Variants in PPM1L observed in about 807,000 individuals in gnomAD.
The protein encoded by PPM1L is protein phosphatase, Mg2+/Mn2+ dependent 1L.
In PPM1L, 13 loss-of-function variants were observed where a neutral mutation model predicts 31.4. The ratio of observed to expected loss-of-function variants is 0.41; its 90% CI spans 0.27 to 0.66. PPM1L has a LOEUF of 0.66. Among genes scored for constraint, PPM1L ranks in the 30% least tolerant of loss-of-function variants. The pLI, the probability that PPM1L is intolerant of heterozygous loss-of-function variation, is 0.29. For synonymous variants in PPM1L, 184 were observed against 175.4 expected (o/e 1.05, Z -0.39); for missense variants, 326 against 453.7 (o/e 0.72, Z 2.56).
intron 1 of PPM1L, among the ~76,000 whole-genome samples, chr3:160,795,714 C>T (rs142061345): frequency 3.3e-5 from 5 of 152,312 alleles, no homozygotes; most frequent in African/African-American, 7.2e-5. Context: ...AAAAGTAATA[C>T]AGATCATATT....
intron 1 of PPM1L, among the ~76,000 whole-genome samples, chr3:160,758,480 T>C (rs968389349): frequency 3.9e-5 from 6 of 152,234 alleles, no homozygotes; most frequent in African/African-American, 1.4e-4. Context: ...AAGCACAGTT[T>C]TAATTTTATT....
At chr3:160,759,520 A>G (rs1476836062) in intron 1 of PPM1L, among the ~76,000 whole-genome samples, 3 of 152,126 alleles carry the variant, frequency 2.0e-5, no homozygotes, top group Non-Finnish European at 4.4e-5. Flanking sequence ...TGATCTCTAT[A>G]TGAAACCACT....
At chr3:160,898,267 T>C (rs947502719) in intron 1 of PPM1L, among the ~76,000 whole-genome samples, 1 of 152,112 alleles carries the variant, frequency 6.6e-6, no homozygotes, top group Non-Finnish European at 1.5e-5. Context: ...TCAAAGATAA[T>C]TGTGAAGTAA....
chr3:160,881,919 C>T (rs934760093), intron 1 of PPM1L, among the ~76,000 whole-genome samples: 3 of 152,106 alleles, frequency 2.0e-5, no homozygotes, highest in Admixed American at 6.6e-5. Context: ...GGCGTGGTAA[C>T]AGGCGTCTGT....
chr3:160,761,138 A>G (rs1019261133), intron 1 of PPM1L, among the ~76,000 whole-genome samples: 1 of 152,200 alleles, frequency 6.6e-6, no homozygotes, highest in African/African-American at 2.4e-5. Flanking sequence ...CCCAGAAAAA[A>G]GGACATGCAT....
intron 1 of PPM1L, among the ~76,000 whole-genome samples, chr3:160,837,628 C>T (rs879250662): frequency 2.0e-5 from 3 of 152,216 alleles, no homozygotes; most frequent in East Asian, 1.9e-4. Context: ...TTTGTGTCTG[C>T]GGGAGGAATG....
chr3:160,899,469 A>G (rs1207226122), intron 1 of PPM1L, among the ~76,000 whole-genome samples: 2 of 152,242 alleles, frequency 1.3e-5, no homozygotes, highest in East Asian at 1.9e-4. Context: ...GGTTTTGCCA[A>G]TGAATTGGAT....
In PPM1L at chr3:161,076,508, GTGTT is replaced by G. The variant is rs1296313940; in HGVS notation, c.*7356_*7359del. ...ACTTTTGCTTCTATTATAGAAAGCA[GTGTT>G]TGTTCTTTTTAATTTATTACATGTT... On this transcript the variant is annotated 3_prime_UTR_variant, in exon 4 of 4. Transcript: ENST00000498165. The G allele has an allele frequency of 6.6e-6, 1 of 152,204 alleles. No homozygotes were observed. The allele number at this position is 152,204 out of a possible 1,614,324, so 9.4% of individuals were successfully genotyped here.
intron 3 of PPM1L, among the ~76,000 whole-genome samples, chr3:161,067,673 T>C (rs539414827): frequency 6.6e-6 from 1 of 152,388 alleles, no homozygotes; most frequent in South Asian, 2.1e-4. Context: ...CAGAGGCTTA[T>C]GTGCCCAAGC....
intron 1 of PPM1L, among the ~76,000 whole-genome samples, chr3:160,853,372 A>AAT (rs1282575821): frequency 2.0e-5 from 3 of 152,186 alleles, no homozygotes; most frequent in African/African-American, 7.2e-5. Flanking sequence ...CTGTATTAAG[A>AAT]ATATATCATC....
intron 2 of PPM1L, among the ~76,000 whole-genome samples, chr3:161,027,541 T>C (rs778694507): frequency 2.6e-5 from 4 of 152,100 alleles, no homozygotes; most frequent in Non-Finnish European, 1.5e-5. Context: ...AACTCCTTCT[T>C]ATAGAACCAT....
Position 161,006,562 on chromosome 3 carries a change from G to C in PPM1L, c.574+44652G>C, listed in dbSNP as rs1048546318. ...TAAAGTAAACTGAATAATGCTGAAGGTGAGGTGAAAAACTTTTTTTAATAA... is the reference window on the plus strand; with the variant it reads ...TAAAGTAAACTGAATAATGCTGAAGCTGAGGTGAAAAACTTTTTTTAATAA... On this transcript the variant is annotated intron_variant, in intron 2 of 3. Coordinates refer to ENST00000498165, the MANE Select transcript of PPM1L (RefSeq NM_139245.4). Among the ~76,000 whole-genome samples, 5 of 152,118 alleles carry C rather than the reference G, an allele frequency of 3.3e-5. No individual in the cohort carries two copies. In the East Asian group the frequency reaches 9.7e-4, roughly 29 times the overall value.
At chr3:161,048,570 T>C (rs1025747573) in intron 2 of PPM1L, among the ~76,000 whole-genome samples, 1 of 152,124 alleles carries the variant, frequency 6.6e-6, no homozygotes, top group Non-Finnish European at 1.5e-5. Context: ...CCCAGCCATC[T>C]CATTACTGGG....
chr3:160,890,761 A>G (rs1346483772), intron 1 of PPM1L, among the ~76,000 whole-genome samples: 1 of 152,212 alleles, frequency 6.6e-6, no homozygotes, highest in Non-Finnish European at 1.5e-5. Flanking sequence ...ACAGCATGGT[A>G]CTGTTACCAA....
chr3:160,952,589 G>A (rs4679925), intron 1 of PPM1L, among the ~76,000 whole-genome samples: 121,573 of 152,144 alleles, frequency 0.8, 49,591 homozygotes, highest in Middle Eastern at 0.91. Context: ...CTTCCTCAGT[G>A]CCAAAGTCTC....
chr3:161,062,863 G>C (rs1045539382), intron 2 of PPM1L, among the ~76,000 whole-genome samples: 2 of 152,126 alleles, frequency 1.3e-5, no homozygotes, highest in African/African-American at 4.8e-5. Flanking sequence ...TGGAGTACAG[G>C]CAAATGGAAA....
chr3:160,793,242 T>C (rs550539837), intron 1 of PPM1L, among the ~76,000 whole-genome samples: 13 of 152,304 alleles, frequency 8.5e-5, no homozygotes, highest in African/African-American at 3.1e-4. Flanking sequence ...GAGATTTTGA[T>C]AGGTAGAAAG....
chr3:161,023,896 A>G (rs1718304551), intron 2 of PPM1L, among the ~76,000 whole-genome samples: 1 of 152,132 alleles, frequency 6.6e-6, no homozygotes, highest in Non-Finnish European at 1.5e-5. Context: ...TTTTCTGCAC[A>G]TGCACACAGT....
At chr3:161,057,653 G>A (rs1719450569) in intron 2 of PPM1L, among the ~76,000 whole-genome samples, 3 of 152,010 alleles carry the variant, frequency 2.0e-5, no homozygotes, top group Admixed American at 2.0e-4. Context: ...ATACAAAAAA[G>A]ACTTCCCTTG....
Sources: gnomAD v4.1 joint callset for allele counts (sites outside exome capture counted in the v4.1 genomes callset) on GRCh38, gnomAD v4.1.1 for gene constraint, MANE v1.5 for transcripts, NCBI Gene and HGNC (gene_info 2026-07-23, HGNC 2026-07-21) for gene names.